Variants in AHDC1 observed in about 807,000 individuals in gnomAD.
AHDC1 encodes transcription factor Gibbin.
AHDC1 carries 7 observed loss-of-function variants against 87.9 expected under a neutral mutation model. That is an observed-to-expected ratio of 0.08 (90% CI 0.05 to 0.15). The LOEUF is 0.15. Ranked by LOEUF, AHDC1 falls within the 10% of genes least tolerant of loss-of-function variation. AHDC1 has a pLI of 1.00. For synonymous variants in AHDC1, 1,051 were observed against 1,006.8 expected (o/e 1.04, Z -0.83); for missense variants, 1,841 against 2,253.2 (o/e 0.82, Z 3.70).
At position 27,565,646 on chromosome 1, in the gene AHDC1, C is replaced by T. The variant is rs1037272031; in HGVS notation, c.-628-6763G>A. On this transcript the variant is annotated intron_variant, in intron 3 of 8. Coordinates refer to ENST00000673934, the MANE Select transcript of AHDC1 (RefSeq NM_001371928.1). This position sits in a 1 kb window ranked among gnomAD's most constrained non-coding sequence, Gnocchi z 4.6. Reference sequence around the variant, plus strand: ...GAGTTTGTTCCAGGAACTCAAAGCACTTTAAAGAAGTCAGACATGAAGCAA... The same window carrying T: ...GAGTTTGTTCCAGGAACTCAAAGCATTTTAAAGAAGTCAGACATGAAGCAA... Among the ~76,000 whole-genome samples the T allele has an allele frequency of 2.4e-4, 36 of 152,212 alleles. No homozygotes were observed. Among genetic ancestry groups the T allele is most frequent in the African/African-American group, 8.4e-4 (35 of 41,446 alleles).
In AHDC1 at chr1:27,560,309, T is replaced by C. The variant is rs1571265512; in HGVS notation, c.-628-1426A>G. 6.6e-6 allele frequency among the ~76,000 whole-genome samples: 1 copy of C among 152,036 alleles called. No individual in the cohort carries two copies. Among genetic ancestry groups the C allele is most frequent in the South Asian group, 2.1e-4 (1 of 4,814 alleles). Reference sequence around the variant, plus strand: ...CCAGGTGAGCCCAGCTGTGGCTGGGTGTGAGCATGCCTGGGTGTGCACACG... The same window carrying C: ...CCAGGTGAGCCCAGCTGTGGCTGGGCGTGAGCATGCCTGGGTGTGCACACG... On this transcript the variant is annotated intron_variant, in intron 3 of 8. Transcript: ENST00000673934. This position sits in a 1 kb window ranked among gnomAD's most constrained non-coding sequence, Gnocchi z 4.1.
rs2019428406 is a variant in AHDC1, at chr1:27,549,862, G to A, written c.2254C>T (p.Pro752Ser). 1.1e-5 allele frequency: 17 copies of A among 1,613,288 alleles called. No homozygotes were observed. Among genetic ancestry groups the A allele is most frequent in the African/African-American group, 2.7e-5 (2 of 74,912 alleles). ...CCTGGGCCACTGGGCACCTGCTCTG[G>A]GAACAGAGTCCCATTCTTCCGGGAC... is the stretch of plus-strand genomic sequence containing the variant. ...RRSRKNGTLF[P>S]EQVPSGPGFG... is the part of the protein sequence containing the mutation. The change falls in exon 8 of 9, where the codon CCA becomes TCA. Residue 752 changes from proline (P) to serine (S), a missense_variant. This residue lies in a region of AHDC1 where 236 missense variants were observed against 257.9 expected (regional missense o/e 0.92). Coordinates refer to ENST00000673934, the MANE Select transcript of AHDC1 (RefSeq NM_001371928.1).
At chr1:27,543,557 T>G (rs922225636) in intron 8 of AHDC1, among the ~76,000 whole-genome samples, 1 of 152,228 alleles carries the variant, frequency 6.6e-6, no homozygotes, top group African/African-American at 2.4e-5. Flanking sequence ...GGTCTCCATG[T>G]GTGCAAACCT....
chr1:27,570,644 C>T (rs1465327531), intron 3 of AHDC1, among the ~76,000 whole-genome samples: 1 of 152,190 alleles, frequency 6.6e-6, no homozygotes, highest in African/African-American at 2.4e-5. Context: ...CTGCCTTGGC[C>T]ACACTCTTCT....
At position 27,560,298 on chromosome 1, in the gene AHDC1, C is replaced by G. The variant is rs2148340169; in HGVS notation, c.-628-1415G>C. On this transcript the variant is annotated intron_variant, in intron 3 of 8. Transcript: ENST00000673934. The surrounding 1 kb of genome is among the most constrained non-coding windows in gnomAD (Gnocchi z 4.1). ...CCTGTGTGTAGCCAGGTGAGCCCAGCTGTGGCTGGGTGTGAGCATGCCTGG... is the reference window on the plus strand; with the variant it reads ...CCTGTGTGTAGCCAGGTGAGCCCAGGTGTGGCTGGGTGTGAGCATGCCTGG... 6.6e-6 allele frequency among the ~76,000 whole-genome samples: 1 copy of G among 152,076 alleles called. No individual in the cohort carries two copies. The highest frequency in any genetic ancestry group is 2.1e-4 in the South Asian group (1 of 4,814).
chr1:27,544,090 C>T (rs2019059119), intron 8 of AHDC1, among the ~76,000 whole-genome samples: 1 of 152,146 alleles, frequency 6.6e-6, no homozygotes, highest in African/African-American at 2.4e-5. Context: ...ATCCTGGCTC[C>T]ACTATCTGCC....
In AHDC1 at chr1:27,560,366, A is replaced by G. The variant is rs1035803584; in HGVS notation, c.-628-1483T>C. Among the ~76,000 whole-genome samples, 3 of 152,084 alleles carry G rather than the reference A, an allele frequency of 2.0e-5. No individual in the cohort carries two copies. The highest frequency in any genetic ancestry group is 4.4e-5 in the Non-Finnish European group (3 of 68,020). On this transcript the variant is annotated intron_variant, in intron 3 of 8. Transcript: ENST00000673934. The surrounding 1 kb of genome is among the most constrained non-coding windows in gnomAD (Gnocchi z 4.1). ...CTGGCTCTCTGCATCTCGCTGTGTC[A>G]GGAGCCAAACCGGCTCCTGCCTGTC...
rs967561278 is a variant in AHDC1, at chr1:27,549,856, G to C, written c.2260C>G (p.Gln754Glu). The C allele has an allele frequency of 1.2e-6, 2 of 1,613,176 alleles. No homozygotes were observed. Among genetic ancestry groups the C allele is most frequent in the African/African-American group, 2.7e-5 (2 of 74,924 alleles). Residue 754 changes from glutamine to glutamate, a missense_variant, in exon 8 of 9, where the codon CAG becomes GAG. Around this residue, in one of 13 missense-constraint regions of AHDC1, gnomAD observed 236 missense variants for 257.9 expected, o/e 0.92. Transcript: ENST00000673934. ...CCAAAGCCTGGGCCACTGGGCACCT[G>C]CTCTGGGAACAGAGTCCCATTCTTC... is the stretch of plus-strand genomic sequence containing the variant. ...SRKNGTLFPE[Q>E]VPSGPGFGEA...
At chr1:27,568,677 T>C (rs889388791) in intron 3 of AHDC1, among the ~76,000 whole-genome samples, 2 of 151,534 alleles carry the variant, frequency 1.3e-5, no homozygotes, top group Non-Finnish European at 2.9e-5. Context: ...GGACACGCCC[T>C]CTTCCCCGGA....
intron 5 of AHDC1, among the ~76,000 whole-genome samples, chr1:27,557,418 C>A (rs974481679): frequency 6.6e-6 from 1 of 151,614 alleles, no homozygotes; most frequent in Non-Finnish European, 1.5e-5. Flanking sequence ...TTGTTCCACG[C>A]CCCCCCGCTC....
intron 3 of AHDC1, among the ~76,000 whole-genome samples, chr1:27,594,580 T>C (rs982979361): frequency 4.9e-4 from 74 of 152,224 alleles, no homozygotes; most frequent in African/African-American, 1.6e-3. Flanking sequence ...TTGAACCAGA[T>C]GTCCAGCCTC....
intron 3 of AHDC1, among the ~76,000 whole-genome samples, chr1:27,576,996 A>G (rs1423822796): frequency 6.6e-6 from 1 of 152,160 alleles, no homozygotes; most frequent in Non-Finnish European, 1.5e-5. Context: ...ACATGAACAC[A>G]GAGACCAGTA....
At chr1:27,579,288 G>A (rs1031414023) in intron 3 of AHDC1, among the ~76,000 whole-genome samples, 1 of 152,036 alleles carries the variant, frequency 6.6e-6, no homozygotes, top group African/African-American at 2.4e-5. Context: ...TTGGACTAAA[G>A]CTTTGCCTTC....
chr1:27,566,234 G>A (rs2020308198), intron 3 of AHDC1, among the ~76,000 whole-genome samples: 1 of 152,160 alleles, frequency 6.6e-6, no homozygotes, highest in African/African-American at 2.4e-5. Flanking sequence ...ACAGAAAGAT[G>A]AAGGACACTG....
rs532426414 is a variant in AHDC1, at chr1:27,574,613, T to C, written c.-628-15730A>G. ...TTTACCATGGTGAGAGTATGCTAGG[T>C]GGGGGCAGGAAACAGAACTGAACAA... is the stretch of plus-strand genomic sequence containing the variant. On this transcript the variant is annotated intron_variant, in intron 3 of 8. Coordinates refer to ENST00000673934, the MANE Select transcript of AHDC1 (RefSeq NM_001371928.1). Among the ~76,000 whole-genome samples the C allele has an allele frequency of 1.2e-4, 19 of 152,032 alleles. No individual in the cohort carries two copies. In the East Asian group the frequency reaches 3.7e-3, roughly 29 times the overall value.
At chr1:27,573,796 T>A (rs960220314) in intron 3 of AHDC1, among the ~76,000 whole-genome samples, 18 of 152,186 alleles carry the variant, frequency 1.2e-4, no homozygotes, top group African/African-American at 4.3e-4. Flanking sequence ...CTGCGATGCA[T>A]GAGTAAAGAG....
In AHDC1 at chr1:27,549,468, C is replaced by T. The variant is rs202145401; in HGVS notation, c.2648G>A (p.Arg883Gln). The T allele has an allele frequency of 4.2e-5, 68 of 1,612,960 alleles. 1 individual carries two copies. The highest frequency in any genetic ancestry group is 5.0e-5 in the Non-Finnish European group (59 of 1,179,854). The change falls in exon 8 of 9, where the codon CGG becomes CAG. Residue 883 changes from arginine (R) to glutamine (Q), a missense_variant. This residue lies in a region of AHDC1 where 378 missense variants were observed against 399.0 expected (regional missense o/e 0.95). Transcript: ENST00000673934. ...CCGGCTAGGGAAGGTGGCCAGGCCCCGCTGGGCAGGCAGGGCACTGGTGGG... is the reference window on the plus strand; with the variant it reads ...CCGGCTAGGGAAGGTGGCCAGGCCCTGCTGGGCAGGCAGGGCACTGGTGGG... ...GPPTSALPAQ[R>Q]GLATFPSRGA...
intron 3 of AHDC1, among the ~76,000 whole-genome samples, chr1:27,559,436 CATAT>C (rs1399445066): frequency 6.6e-6 from 1 of 152,188 alleles, no homozygotes; most frequent in African/African-American, 2.4e-5. Context: ...TATACATGCA[CATAT>C]ACTATAGTGG....
intron 3 of AHDC1, among the ~76,000 whole-genome samples, chr1:27,577,684 CAG>C (rs755699514): frequency 7.0e-4 from 107 of 152,338 alleles, no homozygotes; most frequent in Non-Finnish European, 1.2e-3. Flanking sequence ...CCTGTTTCCA[CAG>C]AGTCAGTCCA....
Sources: gnomAD v4.1 joint callset for allele counts (sites outside exome capture counted in the v4.1 genomes callset) on GRCh38, gnomAD v4.1.1 for gene constraint, gnomAD v4.1.1 regional missense constraint, Gnocchi (gnomAD v3.1) non-coding constraint, MANE v1.5 for transcripts, NCBI Gene and HGNC (gene_info 2026-07-23, HGNC 2026-07-21) for gene names.